Variants in EPHA3 observed in about 807,000 individuals in gnomAD.
EPHA3 encodes ephrin type-A receptor 3.
Under a neutral mutation model 107.1 loss-of-function variants are expected in EPHA3, and 42 were observed. The observed-to-expected ratio is 0.39, with a 90% CI of 0.31 to 0.51. The LOEUF is 0.51. Among genes scored for constraint, EPHA3 ranks in the 20% least tolerant of loss-of-function variants. The pLI is 0.78. For missense variants in EPHA3, 1,183 were observed against 1,211.2 expected, an observed-to-expected ratio of 0.98 and a Z score of 0.35; for synonymous variants, 461 against 424.8, an observed-to-expected ratio of 1.09 and a Z score of -1.05.
chr3:89,461,358 G>T (rs1402570045), intron 15 of EPHA3, among the ~76,000 whole-genome samples: 71 of 31,314 alleles, frequency 2.3e-3, no homozygotes, highest in African/African-American at 0.017. Flanking sequence ...GGGATGGCTG[G>T]GTCAAATGGT....
At chr3:89,133,915 G>C (rs1270534587) in intron 2 of EPHA3, among the ~76,000 whole-genome samples, 6 of 152,068 alleles carry the variant, frequency 3.9e-5, no homozygotes, top group Non-Finnish European at 5.9e-5. Flanking sequence ...TCGAGCCACT[G>C]AGATGCTTGT....
At chr3:89,143,882 T>C (rs12496609) in intron 2 of EPHA3, among the ~76,000 whole-genome samples, 18,927 of 151,566 alleles carry the variant, frequency 0.12, 1,239 homozygotes, top group Middle Eastern at 0.18. Flanking sequence ...TTACCACATA[T>C]CATTTTGTCA....
chr3:89,156,244 T>C (rs1704803994), intron 2 of EPHA3, among the ~76,000 whole-genome samples: 1 of 152,104 alleles, frequency 6.6e-6, no homozygotes. Flanking sequence ...ATGTGAGTTT[T>C]GTTTTTGTGT....
intron 1 of EPHA3, among the ~76,000 whole-genome samples, chr3:89,122,412 T>G (rs1444583571): frequency 3.9e-5 from 6 of 152,228 alleles, no homozygotes; most frequent in Non-Finnish European, 8.8e-5. Flanking sequence ...TCTTTAGCCA[T>G]TAAAGCCTAC....
At chr3:89,402,607 G>T (rs116655930) in intron 7 of EPHA3, among the ~76,000 whole-genome samples, 1 of 151,792 alleles carries the variant, frequency 6.6e-6, no homozygotes, top group Non-Finnish European at 1.5e-5. Context: ...GTTATATATT[G>T]ATTTTTTTAA....
chr3:89,128,564 A>G (rs1314092550), intron 2 of EPHA3, among the ~76,000 whole-genome samples: 1 of 152,004 alleles, frequency 6.6e-6, no homozygotes, highest in African/African-American at 2.4e-5. Flanking sequence ...ACTCCTTCAG[A>G]TAATATACCA....
intron 9 of EPHA3, among the ~76,000 whole-genome samples, chr3:89,410,896 C>T (rs1016651731): frequency 1.3e-5 from 2 of 151,758 alleles, no homozygotes; most frequent in Non-Finnish European, 1.5e-5. Flanking sequence ...TAAAGCACAA[C>T]AGATTACTGT....
At chr3:89,367,915 C>A (rs1033123723) in intron 5 of EPHA3, among the ~76,000 whole-genome samples, 1 of 150,662 alleles carries the variant, frequency 6.6e-6, no homozygotes, top group East Asian at 1.9e-4. Flanking sequence ...TATGGTGCTC[C>A]TCTGTTCTAA....
rs892396046 is a variant in EPHA3, at chr3:89,328,290, G to T, written c.815-12626G>T. ...TAGTAGACAGTCCATTACATGGGAAGCAGGCAGATCCCCCCACAAAATAAT... is the reference window on the plus strand; with the variant it reads ...TAGTAGACAGTCCATTACATGGGAATCAGGCAGATCCCCCCACAAAATAAT... On this transcript the variant is annotated intron_variant, in intron 3 of 16. Coordinates refer to ENST00000336596, the MANE Select transcript of EPHA3 (RefSeq NM_005233.6). 2.6e-5 allele frequency among the ~76,000 whole-genome samples: 4 copies of T among 152,212 alleles called. No homozygotes were observed. The South Asian group carries it at 8.3e-4, about 32-fold the overall frequency.
intron 16 of EPHA3, among the ~76,000 whole-genome samples, chr3:89,476,004 A>G (rs1364416037): frequency 2.6e-5 from 4 of 151,948 alleles, no homozygotes; most frequent in Non-Finnish European, 2.9e-5. Flanking sequence ...TAGCTAAGGA[A>G]TAACCCAAAT....
At chr3:89,381,019 C>A (rs1337425982) in intron 5 of EPHA3, among the ~76,000 whole-genome samples, 2 of 151,992 alleles carry the variant, frequency 1.3e-5, no homozygotes, top group African/African-American at 4.8e-5. Flanking sequence ...CTTGCCCAGG[C>A]TGGAGTGCAA....
chr3:89,319,552 C>T (rs982194472), intron 3 of EPHA3, among the ~76,000 whole-genome samples: 1 of 151,872 alleles, frequency 6.6e-6, no homozygotes, highest in African/African-American at 2.4e-5. Context: ...GCTGCGTAGT[C>T]ACCAGAGAGC....
chr3:89,430,349 G>A (rs1305533117), intron 12 of EPHA3, among the ~76,000 whole-genome samples: 1 of 151,844 alleles, frequency 6.6e-6, no homozygotes, highest in Middle Eastern at 3.2e-3. Flanking sequence ...GACTGAGAAA[G>A]GATATGCTTT....
At chr3:89,274,742 G>A (rs1705764118) in intron 3 of EPHA3, among the ~76,000 whole-genome samples, 1 of 151,952 alleles carries the variant, frequency 6.6e-6, no homozygotes, top group South Asian at 2.1e-4. Flanking sequence ...TTTGGAGAAT[G>A]GACAGCGATT....
intron 2 of EPHA3, among the ~76,000 whole-genome samples, chr3:89,189,315 C>T (rs866375065): frequency 2.4e-4 from 37 of 152,292 alleles, no homozygotes; most frequent in South Asian, 8.3e-4. Flanking sequence ...TACTAAGAGA[C>T]TGGGCACGGT....
At chr3:89,140,811 T>C (rs1048288398) in intron 2 of EPHA3, among the ~76,000 whole-genome samples, 2 of 151,708 alleles carry the variant, frequency 1.3e-5, no homozygotes, top group African/African-American at 4.8e-5. Context: ...GTAGAATCTT[T>C]AGTACACTGA....
chr3:89,391,206 C>T (rs1708722847), intron 5 of EPHA3, among the ~76,000 whole-genome samples: 1 of 152,014 alleles, frequency 6.6e-6, no homozygotes, highest in African/African-American at 2.4e-5. Flanking sequence ...AGATTGAAAG[C>T]ATCATGCAAT....
chr3:89,468,392 G>A (rs892626441), intron 15 of EPHA3, among the ~76,000 whole-genome samples: 13 of 152,044 alleles, frequency 8.6e-5, no homozygotes, highest in African/African-American at 3.1e-4. Context: ...TGTTGAGTCT[G>A]GCTAAAGTGT....
At chr3:89,349,609 C>T (rs1431613540) in intron 5 of EPHA3, among the ~76,000 whole-genome samples, 3 of 140,336 alleles carry the variant, frequency 2.1e-5, no homozygotes, top group African/African-American at 8.0e-5. Context: ...GCATTTAGTC[C>T]ATTTACATTT....
Sources: allele counts gnomAD v4.1 joint callset (sites outside exome capture counted in the v4.1 genomes callset), GRCh38; gene constraint gnomAD v4.1.1; transcripts MANE v1.5; gene names NCBI Gene and HGNC (gene_info 2026-07-23, HGNC 2026-07-21).